ACTN4: variants seen among roughly 807,000 people sequenced by gnomAD.
ACTN4 encodes actinin alpha 4, also known as alpha-actinin-4.
A neutral mutation model predicts 114.2 loss-of-function variants in ACTN4; 18 were observed. The ratio of observed to expected loss-of-function variants is 0.16; its 90% CI spans 0.11 to 0.23. ACTN4 has a LOEUF of 0.23. ACTN4 is among the 10% of genes least tolerant of loss of function. The probability of loss-of-function intolerance (pLI) is 1.00; values close to 1 mark genes in which losing one functional copy is unlikely to be tolerated. For missense variants in ACTN4, 722 were observed against 1,262.9 expected (o/e 0.57, Z 6.49); for synonymous variants, 515 against 506.3 (o/e 1.02, Z -0.23).
At position 38,731,052 on chromosome 19, in the gene ACTN4, C is replaced by T; in HGVS notation, c.*1620C>T. 2 of 1,559,534 alleles carry T rather than the reference C, an allele frequency of 1.3e-6. No homozygotes were observed. Among genetic ancestry groups the T allele is most frequent in the Non-Finnish European group, 1.7e-6 (2 of 1,152,782 alleles). ...TGCAGAGAGGGGCAGGGTGAGTGCC[C>T]ACCAGTCCCCGTACCCCTTCCCCCC... On this transcript the variant is annotated 3_prime_UTR_variant, in exon 21 of 21. Transcript: ENST00000252699.
rs754917308 is a variant in ACTN4 at position 38,729,310 on chromosome 19, C to G, written c.2614C>G (p.Pro872Ala). The change falls in exon 21 of 21, where the codon CCC becomes GCC. Residue 872 changes from proline (P) to alanine (A), a missense_variant. Physicochemically the swap from Pro to Ala is conservative, Grantham distance 27 (BLOSUM62 -1). Coordinates refer to ENST00000252699, the MANE Select transcript of ACTN4 (RefSeq NM_004924.6). Reference sequence around the variant, plus strand: ...AGCTGAGGAGCTGCGGAGAGAGCTGCCCCCCGACCAGGCCGAGTACTGCAT... The same window carrying G: ...AGCTGAGGAGCTGCGGAGAGAGCTGGCCCCCGACCAGGCCGAGTACTGCAT... The part of the protein sequence containing the change: ...ITAEELRREL[P>A]PDQAEYCIAR... 1 of 1,612,844 alleles carries G rather than the reference C, an allele frequency of 6.2e-7. No homozygotes were observed. Among genetic ancestry groups the G allele is most frequent in the South Asian group, 1.1e-5 (1 of 91,080 alleles).
At chr19:38,695,503 G>T (rs536775534) in intron 1 of ACTN4, among the ~76,000 whole-genome samples, 1 of 152,266 alleles carries the variant, frequency 6.6e-6, no homozygotes, top group African/African-American at 2.4e-5. Flanking sequence ...TTCCTGCCAG[G>T]GGGAGGAAGT....
intron 1 of ACTN4, among the ~76,000 whole-genome samples, chr19:38,652,187 C>CA (rs948815904): frequency 6.5e-4 from 96 of 148,828 alleles, no homozygotes; most frequent in African/African-American, 1.7e-3. Context: ...ACACACTTGA[C>CA]AAAAAAAAAG....
In ACTN4 at chr19:38,729,098, G is replaced by A. The variant is rs1969376335; in HGVS notation, c.2521G>A (p.Asp841Asn). 4 of 1,613,444 alleles carry A rather than the reference G, an allele frequency of 2.5e-6. No homozygotes were observed. The highest frequency in any genetic ancestry group is 1.1e-5 in the South Asian group (1 of 91,068). ...FIDFMSRETT[D>N]TDTADQVIAS... ...CGACTTCATGTCGCGGGAGACCACC[G>A]ACACGGACACGGCTGACCAGGTCAT... Residue 841 changes from aspartate (D) to asparagine (N), a missense_variant, in exon 20 of 21, where the codon GAC (aspartate) becomes AAC (asparagine). By Grantham distance (23) the Asp-to-Asn change is conservative. This residue lies in a region of ACTN4 where 523 missense variants were observed against 875.9 expected (regional missense o/e 0.60). Transcript: ENST00000252699.
In ACTN4 at chr19:38,696,472, C is replaced by G. The variant is rs78668148; in HGVS notation, c.163-4128C>G. Among the ~76,000 whole-genome samples the G allele has an allele frequency of 4.1e-3, 621 of 152,232 alleles. 7 individuals carry two copies. The highest frequency in any genetic ancestry group is 0.014 in the African/African-American group (595 of 41,532). On this transcript the variant is annotated intron_variant, in intron 1 of 20. Coordinates refer to ENST00000252699, the MANE Select transcript of ACTN4 (RefSeq NM_004924.6). ...TCCACCCCACGCAGCGTAGTCTAAA[C>G]CGGGTAGGGAGAGGAAGGATGGAAG...
At position 38,724,122 on chromosome 19, in the gene ACTN4, G is replaced by T. The variant is rs1186861360; in HGVS notation, c.1693-35G>T. On this transcript the variant is annotated intron_variant, in intron 14 of 20. Coordinates refer to ENST00000252699, the MANE Select transcript of ACTN4 (RefSeq NM_004924.6). The surrounding 1 kb of genome is among the most constrained non-coding windows in gnomAD (Gnocchi z 7.0). The stretch of plus-strand genomic sequence containing the variant: ...CCATCTTCCCAAGAGCCTCTGTGGG[G>T]CTGGGCCGCCCCCTCACTCCAGCTC... 4.3e-6 allele frequency: 7 copies of T among 1,613,612 alleles called. No individual in the cohort carries two copies. Among genetic ancestry groups the T allele is most frequent in the Non-Finnish European group, 5.9e-6 (7 of 1,179,996 alleles).
chr19:38,730,090 CAAAAAAAAAAAAGG>C lies in ACTN4; in HGVS notation c.*667_*680del, dbSNP rs1398462181. 1.8e-5 allele frequency: 1 copy of C among 55,210 alleles called. No individual in the cohort carries two copies. The highest frequency in any genetic ancestry group is 3.8e-5 in the Non-Finnish European group (1 of 26,284). 3.4% of individuals were successfully genotyped at this position (55,210 alleles called of 1,614,324 possible). ...CACGTGTCTCAGATTTTCTAAGAAC[CAAAAAAAAAAAAGG>C]AAAAAAAACACAAAACAACAAAAAC... On this transcript the variant is annotated 3_prime_UTR_variant, in exon 21 of 21. Coordinates refer to ENST00000252699, the MANE Select transcript of ACTN4 (RefSeq NM_004924.6).
rs1568689180 is a variant in ACTN4, at chr19:38,673,456, C to CATATATATTTATATATATGA, written c.162+25567_162+25568insGAATATATATTTATATATAT. Reference sequence around the variant, plus strand: ...GTTTTATTTTTTATATATATATATTCATATATATTTATATATATTTATATA... The same window carrying CATATATATTTATATATATGA: ...GTTTTATTTTTTATATATATATATTCATATATATTTATATATATGAATATATATTTATATATATTTATATA... On this transcript the variant is annotated intron_variant, in intron 1 of 20. Coordinates refer to ENST00000252699, the MANE Select transcript of ACTN4 (RefSeq NM_004924.6). Among the ~76,000 whole-genome samples the CATATATATTTATATATATGA allele has an allele frequency of 2.0e-4, 14 of 71,746 alleles. 1 individual carries two copies. The highest frequency in any genetic ancestry group is 4.1e-4 in the Non-Finnish European group (14 of 34,294). The allele number at this position is 71,746 out of a possible 152,430, so 47.1% of individuals were successfully genotyped here.
intron 1 of ACTN4, among the ~76,000 whole-genome samples, chr19:38,654,741 T>TCCCTC (rs887077247): frequency 6.6e-6 from 1 of 152,006 alleles, no homozygotes; most frequent in African/African-American, 2.4e-5. Context: ...TTTTTTCACG[T>TCCCTC]CCCTCCCCTC....
chr19:38,674,711 CT>C, intron 1 of ACTN4, among the ~76,000 whole-genome samples: 1 of 152,270 alleles, frequency 6.6e-6, no homozygotes, highest in Non-Finnish European at 1.5e-5. Flanking sequence ...AGACTCTTCC[CT>C]TTTTAGGTTA....
intron 3 of ACTN4, among the ~76,000 whole-genome samples, chr19:38,704,556 C>T (rs1226962227): frequency 6.6e-6 from 1 of 152,278 alleles, no homozygotes; most frequent in Non-Finnish European, 1.5e-5. Context: ...AGGAGGTACG[C>T]AGATTACGGC....
intron 1 of ACTN4, among the ~76,000 whole-genome samples, chr19:38,680,556 T>G: frequency 6.6e-6 from 1 of 152,168 alleles, no homozygotes; most frequent in Admixed American, 6.5e-5. Context: ...AACTTTAGAC[T>G]GACGTTGCCT....
chr19:38,682,121 G>A (rs1017518741), intron 1 of ACTN4, among the ~76,000 whole-genome samples: 4 of 151,556 alleles, frequency 2.6e-5, no homozygotes, highest in South Asian at 2.1e-4. Flanking sequence ...GTGAGCCACC[G>A]CTCCTGGCCT....
At chr19:38,728,248 A>C in intron 19 of ACTN4, 3 of 1,497,080 alleles carry the variant, frequency 2.0e-6, no homozygotes, top group South Asian at 1.2e-5. Context: ...CCTGCTGTGC[A>C]CATGGGGCGG....
chr19:38,700,262 G>A (rs140986929), intron 1 of ACTN4, among the ~76,000 whole-genome samples: 5 of 152,276 alleles, frequency 3.3e-5, no homozygotes, highest in East Asian at 1.9e-4. Context: ...TCTGGTGTGC[G>A]TACTGGTCTC....
Position 38,647,663 on chromosome 19 carries a change from G to C in ACTN4, c.-83G>C. On this transcript the variant is annotated 5_prime_UTR_variant, in exon 1 of 21. Transcript: ENST00000252699. ...GAGGGCGGGCTGAAGCAGCTGAAGC[G>C]GCGGTAGCGGCGGCGGCTCGGGCAG... 3 of 1,471,528 alleles carry C rather than the reference G, an allele frequency of 2.0e-6. No homozygotes were observed. 91.2% of individuals were successfully genotyped at this position (1,471,528 alleles called of 1,614,324 possible).
chr19:38,704,819 G>A lies in ACTN4; in HGVS notation c.398-115G>A, dbSNP rs546007322. ...GACAGGCCTGGGAGATGCAACCAGGGGGTGGTTTGGAGCCTTTCTCTAGAT... is the reference window on the plus strand; with the variant it reads ...GACAGGCCTGGGAGATGCAACCAGGAGGTGGTTTGGAGCCTTTCTCTAGAT... On this transcript the variant is annotated intron_variant, in intron 3 of 20. Coordinates refer to ENST00000252699, the MANE Select transcript of ACTN4 (RefSeq NM_004924.6). 11 of 853,226 alleles carry A rather than the reference G, an allele frequency of 1.3e-5. No homozygotes were observed. In the African/African-American group the frequency reaches 1.5e-4, roughly 12 times the overall value. 52.9% of individuals were successfully genotyped at this position (853,226 alleles called of 1,614,324 possible).
chr19:38,656,304 G>T (rs1976709912), intron 1 of ACTN4, among the ~76,000 whole-genome samples: 1 of 152,104 alleles, frequency 6.6e-6, no homozygotes, highest in East Asian at 1.9e-4. Context: ...TAGAGATGGG[G>T]TTTTGCTGTG....
chr19:38,680,204 C>G (rs1193572539), intron 1 of ACTN4, among the ~76,000 whole-genome samples: 1 of 144,856 alleles, frequency 6.9e-6, no homozygotes, highest in Non-Finnish European at 1.5e-5. Flanking sequence ...ATAGCTGGAG[C>G]TCAGGAAGTT....
Sources: gnomAD v4.1 joint callset for allele counts (sites outside exome capture counted in the v4.1 genomes callset) on GRCh38, gnomAD v4.1.1 for gene constraint, gnomAD v4.1.1 regional missense constraint, Gnocchi (gnomAD v3.1) non-coding constraint, MANE v1.5 for transcripts, NCBI Gene and HGNC (gene_info 2026-07-23, HGNC 2026-07-21) for gene names.